The following CPSF1 variants were observed in gnomAD, a reference collection of about 807,000 sequenced individuals.
The protein encoded by CPSF1 is cleavage and polyadenylation specific factor 1.
A neutral mutation model predicts 175.8 loss-of-function variants in CPSF1; 106 were observed. The observed-to-expected ratio is 0.60, with a 90% CI of 0.52 to 0.71. CPSF1 has a LOEUF of 0.71. Among genes scored for constraint, CPSF1 ranks in the 30% least tolerant of loss-of-function variants. The pLI, the probability that CPSF1 is intolerant of heterozygous loss-of-function variation, is 0.00. For missense variants in CPSF1, 1,734 were observed against 2,022.9 expected (o/e 0.86, Z 2.74); for synonymous variants, 1,024 against 858.3 (o/e 1.19, Z -3.37).
At chr8:144,404,333 GT>G (rs1391331471) in intron 2 of CPSF1, among the ~76,000 whole-genome samples, 1 of 152,074 alleles carries the variant, frequency 6.6e-6, no homozygotes, top group Non-Finnish European at 1.5e-5. Context: ...CTGCACTTCT[GT>G]GTACATGCAA....
rs1554863058 is a variant in CPSF1 at position 144,394,871 on chromosome 8, T to A, written c.3414+11A>T. On this transcript the variant is annotated intron_variant, in intron 30 of 37. Transcript: ENST00000616140. ...GCTGCCAGTTCCCGCCCCCGCTCAC[T>A]GGCCCCTTACCCGCCCTCGGCACGT... The A allele has an allele frequency of 6.2e-7, 1 of 1,611,984 alleles. No individual in the cohort carries two copies. The highest frequency in any genetic ancestry group is 8.5e-7 in the Non-Finnish European group (1 of 1,179,314).
At chr8:144,396,316 G>A in intron 26 of CPSF1, 32 bp downstream of exon 26, 1 of 1,563,974 alleles carries the variant, frequency 6.4e-7, no homozygotes, top group Non-Finnish European at 8.7e-7. Flanking sequence ...GGCAGCATCA[G>A]CCAGTGCTGC....
At position 144,398,429 on chromosome 8, in the gene CPSF1, C is replaced by T; in HGVS notation, c.1767G>A (p.Gly589=). 6.2e-7 allele frequency: 1 copy of T among 1,613,836 alleles called. No homozygotes were observed. The highest frequency in any genetic ancestry group is 8.5e-7 in the Non-Finnish European group (1 of 1,179,980). ...REDSTMILQT[G]QEIMELDTSG... The stretch of plus-strand genomic sequence containing the variant: ...TGGTGTCCAGCTCCATGATCTCCTG[C>T]CCCGTCTGCAGGATCTGCGGGCGAC... The change falls in exon 19 of 38, where the codon GGG becomes GGA. Residue 589 remains glycine (G), a synonymous_variant. Coordinates refer to ENST00000616140, the MANE Select transcript of CPSF1 (RefSeq NM_013291.3).
chr8:144,397,001 G>A, intron 23 of CPSF1, 72 bp from the exon 24 acceptor site: 4 of 1,186,940 alleles, frequency 3.4e-6, no homozygotes, highest in East Asian at 2.4e-5. Context: ...ATGGGAAGAG[G>A]TGGGCTGTGG....
At chr8:144,402,419 C>T (rs2116891221) in intron 2 of CPSF1, among the ~76,000 whole-genome samples, 21 of 152,138 alleles carry the variant, frequency 1.4e-4, no homozygotes, top group Non-Finnish European at 2.8e-4. Flanking sequence ...GTGATTCTGC[C>T]TCAGCCTCCC....
intron 26 of CPSF1, 139 bp downstream of exon 26, chr8:144,396,209 G>A (rs1820716151): frequency 1.6e-5 from 14 of 901,030 alleles, no homozygotes; most frequent in East Asian, 2.7e-5. Flanking sequence ...CCACCTCCTC[G>A]ACCTCAACCC....
chr8:144,400,314 T>C, intron 8 of CPSF1, 38 bp from the exon 9 acceptor site: 1 of 1,611,988 alleles, frequency 6.2e-7, no homozygotes, highest in Non-Finnish European at 8.5e-7. Context: ...GGCTCAGTGC[T>C]CTCTCCACAC....
rs1281988622 is a variant in CPSF1, at chr8:144,398,387, C to T, written c.1809G>A (p.Gln603=). The change falls in exon 19 of 38, where the codon CAG becomes CAA. Residue 603 remains glutamine (Q), a synonymous_variant. Transcript: ENST00000616140. ...MELDTSGFAT[Q]GPTVFAGNIG... is the part of the protein sequence containing the mutation. ...TGTTCCCAGCAAAGACCGTGGGGCC[C>T]TGAGTGGCGAAGCCACTGGTGTCCA... 6.2e-7 allele frequency: 1 copy of T among 1,613,714 alleles called. No individual in the cohort carries two copies. Among genetic ancestry groups the T allele is most frequent in the Non-Finnish European group, 8.5e-7 (1 of 1,180,010 alleles).
chr8:144,396,103 G>C, intron 26 of CPSF1: 1 of 551,492 alleles, frequency 1.8e-6, no homozygotes, highest in Non-Finnish European at 3.2e-6. Flanking sequence ...GGGCTTGCCC[G>C]GCGAGCCGGC....
Position 144,399,442 on chromosome 8 carries a change from CG to C in CPSF1, c.1294+9del. Reference sequence around the variant, plus strand: ...GCCCCGCTCCTGACCAGCCCTGGACCGGCCCTCACCTGACCAGCCGGCCGTC... The same window carrying C: ...GCCCCGCTCCTGACCAGCCCTGGACCGCCCTCACCTGACCAGCCGGCCGTC... On this transcript the variant is annotated intron_variant, in intron 13 of 37. Coordinates refer to ENST00000616140, the MANE Select transcript of CPSF1 (RefSeq NM_013291.3). This position sits in a 1 kb window ranked among gnomAD's most constrained non-coding sequence, Gnocchi z 6.4. 1 of 1,612,830 alleles carries C rather than the reference CG, an allele frequency of 6.2e-7. No individual in the cohort carries two copies. Among genetic ancestry groups the C allele is most frequent in the Non-Finnish European group, 8.5e-7 (1 of 1,179,924 alleles).
chr8:144,399,686 G>C lies in CPSF1; in HGVS notation c.1144C>G (p.Leu382Val). 1 of 1,610,406 alleles carries C rather than the reference G, an allele frequency of 6.2e-7. No individual in the cohort carries two copies. The highest frequency in any genetic ancestry group is 8.5e-7 in the Non-Finnish European group (1 of 1,178,452). ...TSMVTMEPGY[L>V]FLGSRLGNSL... is the part of the protein sequence containing the mutation. ...TTGCCCAGGCGAGAACCCAGGAACAGGTACCCGGGCTCCATGGTGACCATC... is the reference window on the plus strand; with the variant it reads ...TTGCCCAGGCGAGAACCCAGGAACACGTACCCGGGCTCCATGGTGACCATC... Residue 382 changes from leucine (L) to valine (V), a missense_variant, in exon 12 of 38, where the codon CTG becomes GTG. By Grantham distance (32) the Leu-to-Val change is conservative. Coordinates refer to ENST00000616140, the MANE Select transcript of CPSF1 (RefSeq NM_013291.3). This position sits in a 1 kb window ranked among gnomAD's most constrained non-coding sequence, Gnocchi z 6.4.
Position 144,397,214 on chromosome 8 carries a change from T to C in CPSF1, c.2585A>G (p.Tyr862Cys). The change falls in exon 23 of 38, where the codon TAC (tyrosine) becomes TGC (cysteine). Residue 862 changes from tyrosine (Y) to cysteine (C), a missense_variant. Physicochemically the swap from Tyr to Cys is radical, Grantham distance 194. Coordinates refer to ENST00000616140, the MANE Select transcript of CPSF1 (RefSeq NM_013291.3). ...CAGGCCAGGCGCACTCACCAGCAGG[T>C]AGGGCCTGCTCTGGCGGCTGCCCAG... ...VALGSRQSRP[Y>C]LLVHVDQELL... 6.5e-7 allele frequency: 1 copy of C among 1,542,042 alleles called. No homozygotes were observed. Among genetic ancestry groups the C allele is most frequent in the Non-Finnish European group, 8.7e-7 (1 of 1,143,114 alleles).
Position 144,393,884 on chromosome 8 carries a change from A to G in CPSF1, c.4014T>C (p.Phe1338=). The G allele has an allele frequency of 6.2e-7, 1 of 1,609,608 alleles. No homozygotes were observed. Among genetic ancestry groups the G allele is most frequent in the Non-Finnish European group, 8.5e-7 (1 of 1,178,348 alleles). ...VVWENKHITW[F]ATLDGGIGLL... ...ACACACCTGCTCCCCCACACTCACC[A>G]AACCACGTGATGTGCTTATTCTCCC... Residue 1338 remains phenylalanine (F), a splice_region_variant and synonymous_variant, in exon 35 of 38, where the codon TTT becomes TTC. Transcript: ENST00000616140.
At position 144,399,143 on chromosome 8, in the gene CPSF1, G is replaced by A. The variant is rs1421736570; in HGVS notation, c.1452C>T (p.Ala484=). 2 of 1,585,170 alleles carry A rather than the reference G, an allele frequency of 1.3e-6. No individual in the cohort carries two copies. Among genetic ancestry groups the A allele is most frequent in the Admixed American group, 1.8e-5 (1 of 56,192 alleles). The change falls in exon 15 of 38, where the codon GCC becomes GCT. Residue 484 remains alanine (A), a synonymous_variant. Coordinates refer to ENST00000616140, the MANE Select transcript of CPSF1 (RefSeq NM_013291.3). The surrounding 1 kb of genome is among the most constrained non-coding windows in gnomAD (Gnocchi z 6.4). Reference sequence around the variant, plus strand: ...CCCTGGGCACCTCTTCAGAGAGGAAGGCAGGCTCGCCCACGGCGGCATTGG... The same window carrying A: ...CCCTGGGCACCTCTTCAGAGAGGAAAGCAGGCTCGCCCACGGCGGCATTGG... ...PCANAAVGEP[A]FLSEEFQNSP...
intron 2 of CPSF1, among the ~76,000 whole-genome samples, chr8:144,408,392 C>G: frequency 6.6e-6 from 1 of 152,152 alleles, no homozygotes; most frequent in Non-Finnish European, 1.5e-5. Context: ...CTTTCCTGGA[C>G]CAGCTTTCAA....
chr8:144,405,069 GAA>G (rs199913266), intron 2 of CPSF1, among the ~76,000 whole-genome samples: 2 of 151,058 alleles, frequency 1.3e-5, no homozygotes, highest in East Asian at 2.0e-4. Flanking sequence ...AAGAAAGAAA[GAA>G]AAAAAAACCT....
At chr8:144,396,230 TG>T in intron 26 of CPSF1, 117 bp downstream of exon 26, 1 of 1,101,404 alleles carries the variant, frequency 9.1e-7, no homozygotes, top group Non-Finnish European at 1.3e-6. Context: ...CATCGCCCTC[TG>T]GACACTCCTT....
chr8:144,398,366 C>T lies in CPSF1; in HGVS notation c.1830G>A (p.Gly610=). 1.2e-6 allele frequency: 2 copies of T among 1,613,836 alleles called. No individual in the cohort carries two copies. Among genetic ancestry groups the T allele is most frequent in the Non-Finnish European group, 1.7e-6 (2 of 1,179,998 alleles). ...CAATGTAGCGGTTGTCCCCGATGTT[C>T]CCAGCAAAGACCGTGGGGCCCTGAG... is the stretch of plus-strand genomic sequence containing the variant. ...FATQGPTVFA[G]NIGDNRYIVQ... The change falls in exon 19 of 38, where the codon GGG becomes GGA. Residue 610 remains glycine (G), a synonymous_variant. Transcript: ENST00000616140.
At position 144,399,647 on chromosome 8, in the gene CPSF1, TGAG is replaced by T. The variant is rs1821033017; in HGVS notation, c.1180_1182del (p.Leu394del). ...GGCTCCTGCAGCTTCTCCGTGTACTTGAGGAGGAGGGAATTGCCCAGGCGAGAA... is the reference window on the plus strand; with the variant it reads ...GGCTCCTGCAGCTTCTCCGTGTACTTGAGGAGGGAATTGCCCAGGCGAGAA... On this transcript the variant is annotated inframe_deletion, in exon 12 of 38. Transcript: ENST00000616140. This position sits in a 1 kb window ranked among gnomAD's most constrained non-coding sequence, Gnocchi z 6.4. The T allele has an allele frequency of 3.1e-6, 5 of 1,610,584 alleles. No individual in the cohort carries two copies. Among genetic ancestry groups the T allele is most frequent in the Non-Finnish European group, 4.2e-6 (5 of 1,178,694 alleles).
Sources: allele counts gnomAD v4.1 joint callset (sites outside exome capture counted in the v4.1 genomes callset), GRCh38; gene constraint gnomAD v4.1.1; non-coding constraint Gnocchi (gnomAD v3.1); transcripts MANE v1.5; gene names NCBI Gene and HGNC (gene_info 2026-07-23, HGNC 2026-07-21).